The following GABRG3 variants were observed in gnomAD, a reference collection of about 807,000 sequenced individuals.
The protein encoded by GABRG3 is gamma-aminobutyric acid type A receptor subunit gamma3, also known as gamma-aminobutyric acid receptor subunit gamma-3.
Under a neutral mutation model 48.8 loss-of-function variants are expected in GABRG3, and 25 were observed. The observed-to-expected ratio is 0.51, with a 90% confidence interval of 0.37 to 0.72. The LOEUF (loss-of-function observed/expected upper bound fraction) is 0.72. Ranked by LOEUF, GABRG3 falls within the 30% of genes least tolerant of loss-of-function variation. The probability of loss-of-function intolerance (pLI) is 0.00; values close to 1 mark genes in which losing one functional copy is unlikely to be tolerated. For missense variants in GABRG3, 394 were observed against 577.9 expected (o/e 0.68, Z 3.26); for synonymous variants, 227 against 217.6 (o/e 1.04, Z -0.38).
chr15:27,495,504 C>A (rs1047266034), intron 6 of GABRG3, among the ~76,000 whole-genome samples: 5 of 152,130 alleles, frequency 3.3e-5, no homozygotes, highest in Non-Finnish European at 5.9e-5. Flanking sequence ...CCACATTGAA[C>A]AGTTTTATAA....
At chr15:27,251,107 A>T (rs568832160) in intron 3 of GABRG3, among the ~76,000 whole-genome samples, 1 of 152,312 alleles carries the variant, frequency 6.6e-6, no homozygotes, top group South Asian at 2.1e-4. Context: ...TTATCCGTGG[A>T]CTAGTGACTG....
intron 3 of GABRG3, among the ~76,000 whole-genome samples, chr15:27,071,055 A>G (rs1371059115): frequency 6.6e-6 from 1 of 152,116 alleles, no homozygotes; most frequent in African/African-American, 2.4e-5. Flanking sequence ...GCTTACAATC[A>G]GTGTCTGTGT....
chr15:27,474,844 G>T (rs1301241360), intron 5 of GABRG3, among the ~76,000 whole-genome samples: 2 of 151,964 alleles, frequency 1.3e-5, no homozygotes, highest in African/African-American at 4.8e-5. Context: ...TATAAAAAGG[G>T]TGGCTGGCTG....
intron 5 of GABRG3, among the ~76,000 whole-genome samples, chr15:27,442,019 C>G (rs1321150790): frequency 1.3e-5 from 2 of 152,120 alleles, no homozygotes; most frequent in African/African-American, 2.4e-5. Flanking sequence ...CACCTTGAAC[C>G]CAAGGCTAAG....
chr15:27,237,057 C>T (rs772408604), intron 3 of GABRG3, among the ~76,000 whole-genome samples: 8 of 152,220 alleles, frequency 5.3e-5, no homozygotes, highest in Non-Finnish European at 7.3e-5. Flanking sequence ...ACTCATTTGA[C>T]GCACTCTGAA....
intron 3 of GABRG3, among the ~76,000 whole-genome samples, chr15:27,045,374 G>C (rs937883245): frequency 1.3e-5 from 2 of 152,176 alleles, no homozygotes; most frequent in Non-Finnish European, 2.9e-5. Context: ...TTCTCTCACC[G>C]GGGGAACAAA....
chr15:27,221,919 A>G (rs902664577), intron 3 of GABRG3, among the ~76,000 whole-genome samples: 1 of 152,194 alleles, frequency 6.6e-6, no homozygotes, highest in African/African-American at 2.4e-5. Context: ...ATTGTCCCCA[A>G]ATGGGCTACA....
chr15:27,408,114 TAA>T (rs1389891063), intron 5 of GABRG3, among the ~76,000 whole-genome samples: 1 of 151,982 alleles, frequency 6.6e-6, no homozygotes, highest in Non-Finnish European at 1.5e-5. Flanking sequence ...CTTTAAAAAA[TAA>T]AGTCTTAAAA....
intron 3 of GABRG3, among the ~76,000 whole-genome samples, chr15:27,056,932 G>A (rs945259299): frequency 2.6e-5 from 4 of 152,042 alleles, no homozygotes; most frequent in African/African-American, 9.7e-5. Flanking sequence ...GTGTGCTTGG[G>A]TCCTCCTTAA....
chr15:27,367,544 T>TGCC (rs553947187), intron 5 of GABRG3, among the ~76,000 whole-genome samples: 349 of 152,312 alleles, frequency 2.3e-3, no homozygotes, highest in Non-Finnish European at 4.4e-3. Context: ...TTTAACACAG[T>TGCC]GCCTTGGCCA....
rs147141285 is a variant in GABRG3 at position 27,376,839 on chromosome 15, C to T, written c.574+47951C>T. 7.8e-3 allele frequency among the ~76,000 whole-genome samples: 1,195 copies of T among 152,250 alleles called. 14 individuals are homozygous for T. Among genetic ancestry groups the T allele is most frequent in the African/African-American group, 0.027 (1,107 of 41,536 alleles). On this transcript the variant is annotated intron_variant, in intron 5 of 9. Transcript: ENST00000615808. Reference sequence around the variant, plus strand: ...CCCCATTGTCTTTGGGATTAACATTCGACTCCTCATTACTTATGCAAATTT... The same window carrying T: ...CCCCATTGTCTTTGGGATTAACATTTGACTCCTCATTACTTATGCAAATTT...
chr15:27,098,239 G>T (rs1897298043), intron 3 of GABRG3, among the ~76,000 whole-genome samples: 1 of 152,116 alleles, frequency 6.6e-6, no homozygotes, highest in Non-Finnish European at 1.5e-5. Flanking sequence ...TTCAAGACCA[G>T]CCTGACCAAC....
At chr15:27,208,474 T>C (rs1055741481) in intron 3 of GABRG3, 1 of 180,958 alleles carries the variant, frequency 5.5e-6, no homozygotes, top group Non-Finnish European at 1.2e-5. Context: ...GAATACTGCC[T>C]AGTTTCTGAA....
chr15:27,054,606 C>T (rs1272790640), intron 3 of GABRG3, among the ~76,000 whole-genome samples: 2 of 152,118 alleles, frequency 1.3e-5, no homozygotes, highest in African/African-American at 2.4e-5. Context: ...TTTGTGGTGC[C>T]GCCCTGACTC....
intron 6 of GABRG3, chr15:27,481,285 T>A: frequency 1.1e-6 from 1 of 916,930 alleles, no homozygotes; most frequent in Non-Finnish European, 1.3e-6. Context: ...GTGATCATTA[T>A]ATGCATATTC....
intron 5 of GABRG3, among the ~76,000 whole-genome samples, chr15:27,403,903 TCAAAAAAAAAC>T (rs1887545909): frequency 1.5e-5 from 1 of 65,642 alleles, no homozygotes; most frequent in African/African-American, 7.3e-5. Context: ...AAAGCCAGAC[TCAAAAAAAAAC>T]AAAAAAAAAA....
At chr15:27,479,366 A>G (rs200223450) in intron 5 of GABRG3, among the ~76,000 whole-genome samples, 40 of 152,282 alleles carry the variant, frequency 2.6e-4, no homozygotes, top group East Asian at 2.3e-3. Flanking sequence ...AGCATTTTCA[A>G]GTTAAGGGAG....
intron 2 of GABRG3, among the ~76,000 whole-genome samples, chr15:26,987,174 C>T (rs999005680): frequency 1.1e-4 from 16 of 152,086 alleles, no homozygotes; most frequent in African/African-American, 3.9e-4. Context: ...GGGAGAATGG[C>T]GTGAGCCCGG....
At chr15:27,003,824 A>C (rs1459832945) in intron 2 of GABRG3, among the ~76,000 whole-genome samples, 3 of 139,352 alleles carry the variant, frequency 2.2e-5, no homozygotes, top group Non-Finnish European at 4.7e-5. Context: ...CCTCACCTCC[A>C]GGACGGGGTG....
Sources: gnomAD v4.1 joint callset for allele counts (sites outside exome capture counted in the v4.1 genomes callset) on GRCh38, gnomAD v4.1.1 for gene constraint, MANE v1.5 for transcripts, NCBI Gene and HGNC (gene_info 2026-07-23, HGNC 2026-07-21) for gene names.